The following HEATR6 variants were observed in gnomAD, a reference collection of about 807,000 sequenced individuals.
HEATR6 encodes the protein HEAT repeat containing 6.
In HEATR6, 106 loss-of-function variants were observed where a neutral mutation model predicts 132.8. The observed-to-expected ratio is 0.80, with a 90% CI of 0.68 to 0.94. HEATR6 has a LOEUF of 0.94. HEATR6 is among the 40% of genes least tolerant of loss of function. The pLI is 0.00. For synonymous variants in HEATR6, 529 were observed against 537.8 expected (o/e 0.98, Z 0.23); for missense variants, 1,339 against 1,425.1 (o/e 0.94, Z 0.97).
intron 1 of HEATR6, among the ~76,000 whole-genome samples, chr17:60,077,462 A>C (rs555686257): frequency 7.9e-5 from 12 of 152,310 alleles, no homozygotes; most frequent in African/African-American, 2.9e-4. Context: ...ATACAGCAAA[A>C]GTCCCCGACT....
intron 9 of HEATR6, among the ~76,000 whole-genome samples, chr17:60,060,690 GTATGTGTGTTCAATGT>G (rs2083205787): frequency 6.6e-6 from 1 of 152,186 alleles, no homozygotes; most frequent in South Asian, 2.1e-4. Flanking sequence ...CCACTCTGAA[GTATGTGTGTTCAATGT>G]TAACTTAAAT....
Position 60,073,842 on chromosome 17 carries a change from A to C in HEATR6, c.372T>G (p.Thr124=). ...EQHLDFLLAY[T]ISAIHQCSSW... Reference sequence around the variant, plus strand: ...AACTACACTGATGAATAGCCGAAATAGTATATGCCAACAGGAAATCCAAGT... The same window carrying C: ...AACTACACTGATGAATAGCCGAAATCGTATATGCCAACAGGAAATCCAAGT... The change falls in exon 3 of 20, where the codon ACT becomes ACG. Residue 124 remains threonine, a synonymous_variant. Coordinates refer to ENST00000184956, the MANE Select transcript of HEATR6 (RefSeq NM_022070.5). 3 of 1,614,052 alleles carry C rather than the reference A, an allele frequency of 1.9e-6. No homozygotes were observed. In the South Asian group the frequency reaches 3.3e-5, roughly 18 times the overall value.
At chr17:60,065,334 T>A (rs2083235038) in intron 9 of HEATR6, among the ~76,000 whole-genome samples, 1 of 152,230 alleles carries the variant, frequency 6.6e-6, no homozygotes, top group Admixed American at 6.5e-5. Context: ...AGATGACTCA[T>A]ATGGAATTCC....
intron 2 of HEATR6, among the ~76,000 whole-genome samples, chr17:60,075,340 T>C (rs562029967): frequency 1.1e-3 from 164 of 152,362 alleles, no homozygotes; most frequent in Non-Finnish European, 1.9e-3. Context: ...ACTTGGGACA[T>C]GGAGTGATTC....
At position 60,078,823 on chromosome 17, in the gene HEATR6, C is replaced by A. The variant is rs377099611; in HGVS notation, c.92G>T (p.Arg31Leu). 1,442 of 1,605,464 alleles carry A rather than the reference C, an allele frequency of 9.0e-4. 29 individuals carry two copies. The South Asian group carries it at 0.015, about 17-fold the overall frequency. ...EAIPERGNGF[R>L]LLSARLCALR... ...GGCGCAGAGCCTGGCAGACAAGAGGCGAAACCCATTGCCTCGCTCAGGGAT... is the reference window on the plus strand; with the variant it reads ...GGCGCAGAGCCTGGCAGACAAGAGGAGAAACCCATTGCCTCGCTCAGGGAT... The change falls in exon 1 of 20, where the codon CGC (arginine) becomes CTC (leucine). Residue 31 changes from arginine (R) to leucine (L), a missense_variant. Coordinates refer to ENST00000184956, the MANE Select transcript of HEATR6 (RefSeq NM_022070.5).
chr17:60,056,829 G>C (rs550940373), intron 12 of HEATR6, among the ~76,000 whole-genome samples: 9 of 152,218 alleles, frequency 5.9e-5, no homozygotes, highest in African/African-American at 2.2e-4. Flanking sequence ...AAAATAATTT[G>C]CAATCAAAGA....
At chr17:60,067,898 C>T (rs1222139196) in intron 7 of HEATR6, among the ~76,000 whole-genome samples, 166 bp from the exon 8 acceptor site, 1 of 152,204 alleles carries the variant, frequency 6.6e-6, no homozygotes, top group East Asian at 1.9e-4. Flanking sequence ...ATACCCTAAA[C>T]ATCAGGCATG....
chr17:60,050,837 C>G lies in HEATR6; in HGVS notation c.2424+6G>C. 6.2e-7 allele frequency: 1 copy of G among 1,614,154 alleles called. No homozygotes were observed. On this transcript the variant is annotated splice_donor_region_variant and intron_variant, in intron 15 of 19. Transcript: ENST00000184956. ...ATTTAAGGGTGAGAAAACACCCTCA[C>G]ATTACCGGCAGATTGCTGAAGGCCT...
At chr17:60,054,746 A>G (rs1186433255) in intron 14 of HEATR6, among the ~76,000 whole-genome samples, 2 of 152,220 alleles carry the variant, frequency 1.3e-5, no homozygotes, top group African/African-American at 2.4e-5. Context: ...ACAGGCTCAT[A>G]GGTGGAAGGA....
At chr17:60,056,340 G>A in intron 12 of HEATR6, 103 bp from the exon 13 acceptor site, 2 of 1,043,610 alleles carry the variant, frequency 1.9e-6, no homozygotes, top group Non-Finnish European at 2.7e-6. Context: ...TTTAACAGGG[G>A]CTGAAATCTG....
chr17:60,043,697 G>A lies in HEATR6; in HGVS notation c.3412C>T (p.His1138Tyr), dbSNP rs116244621. 4.3e-6 allele frequency: 7 copies of A among 1,614,164 alleles called. No individual in the cohort carries two copies. The African/African-American group carries it at 5.3e-5, about 12-fold the overall frequency. The change falls in exon 20 of 20, where the codon CAC becomes TAC. Residue 1138 changes from histidine to tyrosine, a missense_variant. Transcript: ENST00000184956. ...RDQMVRMALK[H>Y]MGSIQAPTGD... ...GTTGGTGCCTGGATGCTGCCCATGT[G>A]TTTAAGGGCCATTCTGACCATCTGG...
intron 12 of HEATR6, 47 bp from the exon 13 acceptor site, chr17:60,056,284 C>A: frequency 6.5e-7 from 1 of 1,545,886 alleles, no homozygotes; most frequent in Non-Finnish European, 8.7e-7. Flanking sequence ...GAGTGCAAGG[C>A]TGCAATATCC....
chr17:60,049,577 G>A lies in HEATR6; in HGVS notation c.2547+3C>T. The A allele has an allele frequency of 6.2e-7, 1 of 1,613,598 alleles. No homozygotes were observed. Among genetic ancestry groups the A allele is most frequent in the Non-Finnish European group, 8.5e-7 (1 of 1,179,646 alleles). On this transcript the variant is annotated splice_donor_region_variant and intron_variant, in intron 16 of 19. Coordinates refer to ENST00000184956, the MANE Select transcript of HEATR6 (RefSeq NM_022070.5). The stretch of plus-strand genomic sequence containing the variant: ...CAGAAGAGCTAAATAGGCTCACTCT[G>A]ACCTGTCTGAGACAGGGAAAAAGCA...
intron 9 of HEATR6, among the ~76,000 whole-genome samples, chr17:60,060,573 G>T (rs2083205052): frequency 6.6e-6 from 1 of 152,174 alleles, no homozygotes; most frequent in Non-Finnish European, 1.5e-5. Flanking sequence ...TATTCAAGCA[G>T]AATGCCAACT....
Position 60,043,604 on chromosome 17 carries a change from A to ATGAGT in HEATR6, c.3500_3504dup (p.Ser1169ThrfsTer12), listed in dbSNP as rs768990601. ...CCTGGGAGTGCCCCTTGTGATCCAG[A>ATGAGT]TGAGTCAAAACAAACGGCCAGGATC... is the stretch of plus-strand genomic sequence containing the variant. On this transcript the variant is annotated frameshift_variant, in exon 20 of 20. Transcript: ENST00000184956. LOFTEE classifies it high-confidence loss of function. 1 of 1,614,022 alleles carries ATGAGT rather than the reference A, an allele frequency of 6.2e-7. No homozygotes were observed. The highest frequency in any genetic ancestry group is 1.3e-5 in the African/African-American group (1 of 75,034).
At chr17:60,068,822 G>C (rs939772605) in intron 7 of HEATR6, among the ~76,000 whole-genome samples, 1 of 152,074 alleles carries the variant, frequency 6.6e-6, no homozygotes, top group Non-Finnish European at 1.5e-5. Context: ...TTTAGACTGA[G>C]TGTCCTCAAT....
At position 60,070,760 on chromosome 17, in the gene HEATR6, C is replaced by T. The variant is rs750072603; in HGVS notation, c.747G>A (p.Gly249=). 8.7e-6 allele frequency: 14 copies of T among 1,610,648 alleles called. No homozygotes were observed. Among genetic ancestry groups the T allele is most frequent in the Non-Finnish European group, 1.1e-5 (13 of 1,177,066 alleles). ...LKGIQSLLNG[G]RMKLTQTDEL... The stretch of plus-strand genomic sequence containing the variant: ...CATCAGTCTGTGTTAGTTTCATTCT[C>T]CCACCATTTAGAAGTGACTGTATAC... The change falls in exon 6 of 20, where the codon GGG becomes GGA. Residue 249 remains glycine (G), a synonymous_variant. Coordinates refer to ENST00000184956, the MANE Select transcript of HEATR6 (RefSeq NM_022070.5).
chr17:60,064,447 CAAT>C (rs2083228992), intron 9 of HEATR6: 1 of 152,262 alleles, frequency 6.6e-6, no homozygotes, highest in Non-Finnish European at 1.5e-5. Flanking sequence ...CTGTTGTAAA[CAAT>C]AATTACCACA....
intron 13 of HEATR6, 73 bp downstream of exon 13, chr17:60,056,019 AATATAAAGTGAAGAAAAGGAAGG>A (rs1326882855): frequency 1.5e-4 from 202 of 1,344,370 alleles, no homozygotes; most frequent in Admixed American, 2.2e-4. Context: ...GTGGCAGAAG[AATATAAAGTGAAGAAAAGGAAGG>A]ATATAAAGTG....
Sources: allele counts gnomAD v4.1 joint callset (sites outside exome capture counted in the v4.1 genomes callset), GRCh38; gene constraint gnomAD v4.1.1; transcripts MANE v1.5; gene names NCBI Gene and HGNC (gene_info 2026-07-23, HGNC 2026-07-21).